Variants in APBA2 observed in about 807,000 individuals in gnomAD.
APBA2 encodes the protein amyloid beta precursor protein binding family A member 2.
APBA2 carries 30 observed loss-of-function variants against 75.0 expected under a neutral mutation model. The ratio of observed to expected loss-of-function variants is 0.40; its 90% CI spans 0.30 to 0.54. The LOEUF is 0.54. Among genes scored for constraint, APBA2 ranks in the 20% least tolerant of loss-of-function variants. APBA2 has a pLI of 0.49. For missense variants in APBA2, 801 were observed against 1,016.1 expected, an observed-to-expected ratio of 0.79 and a Z score of 2.88; for synonymous variants, 444 against 409.6, an observed-to-expected ratio of 1.08 and a Z score of -1.01.
At position 28,928,292 on chromosome 15, in the gene APBA2, A is replaced by G. The variant is rs535772003; in HGVS notation, c.-95+6543A>G. Among the ~76,000 whole-genome samples the G allele has an allele frequency of 3.5e-4, 54 of 152,282 alleles. 1 individual carries two copies. Among genetic ancestry groups the G allele is most frequent in the African/African-American group, 1.3e-3 (53 of 41,554 alleles). On this transcript the variant is annotated intron_variant, in intron 2 of 14. Transcript: ENST00000683413. Reference sequence around the variant, plus strand: ...TTTTCTGTTAATCTGGCTATGGGCTACGTGTAATGTTTGTTGTAGCTGTGA... The same window carrying G: ...TTTTCTGTTAATCTGGCTATGGGCTGCGTGTAATGTTTGTTGTAGCTGTGA...
At chr15:29,114,407 C>A (rs367574308) in intron 14 of APBA2, among the ~76,000 whole-genome samples, 1 of 152,202 alleles carries the variant, frequency 6.6e-6, no homozygotes. Context: ...CTGAACCCCC[C>A]ACAGTCCAGT....
At chr15:28,978,003 C>T (rs900345836) in intron 2 of APBA2, among the ~76,000 whole-genome samples, 2 of 152,200 alleles carry the variant, frequency 1.3e-5, no homozygotes, top group African/African-American at 4.8e-5. Flanking sequence ...AGATAGGCTG[C>T]ATCTATTGTC....
chr15:29,004,457 G>A (rs1249418615), intron 3 of APBA2, among the ~76,000 whole-genome samples: 1 of 152,192 alleles, frequency 6.6e-6, no homozygotes, highest in African/African-American at 2.4e-5. Flanking sequence ...TTCCACATTG[G>A]TGTAGCACCG....
chr15:29,092,923 G>T, intron 6 of APBA2, 152 bp from the exon 7 acceptor site: 4 of 994,994 alleles, frequency 4.0e-6, no homozygotes, highest in South Asian at 2.7e-5. Context: ...CAGACCGGCC[G>T]CCCGTGGCTG....
chr15:28,936,713 C>T (rs565804420), intron 2 of APBA2, among the ~76,000 whole-genome samples: 149 of 152,302 alleles, frequency 9.8e-4, no homozygotes, highest in Non-Finnish European at 1.2e-3. Context: ...CTGGGCTGTG[C>T]CACCTGGGGA....
At chr15:29,059,291 G>A (rs1293052723) in intron 4 of APBA2, among the ~76,000 whole-genome samples, 1 of 152,150 alleles carries the variant, frequency 6.6e-6, no homozygotes, top group Non-Finnish European at 1.5e-5. Context: ...CCTAAGCACA[G>A]AATGGCTGCC....
Position 28,991,019 on chromosome 15 carries a change from T to C in APBA2, c.-94-4734T>C, listed in dbSNP as rs916098778. ...GAGCTTTCTATTCTAAAGGCTCAGC[T>C]TCTTGCCCAGGAGAAAAATAATACA... is the stretch of plus-strand genomic sequence containing the variant. On this transcript the variant is annotated intron_variant, in intron 2 of 14. Transcript: ENST00000683413. The surrounding 1 kb of genome is among the most constrained non-coding windows in gnomAD (Gnocchi z 4.7). 6.6e-6 allele frequency among the ~76,000 whole-genome samples: 1 copy of C among 152,248 alleles called. No individual in the cohort carries two copies. Among genetic ancestry groups the C allele is most frequent in the African/African-American group, 2.4e-5 (1 of 41,470 alleles).
chr15:29,068,787 G>T lies in APBA2; in HGVS notation c.952-6134G>T, dbSNP rs189651310. 4.6e-5 allele frequency among the ~76,000 whole-genome samples: 7 copies of T among 152,298 alleles called. No homozygotes were observed. The East Asian group carries it at 1.3e-3, about 29-fold the overall frequency. On this transcript the variant is annotated intron_variant, in intron 4 of 14. Coordinates refer to ENST00000683413, the MANE Select transcript of APBA2 (RefSeq NM_001353788.2). ...ACCTCCGTAGAGCTTAGGTGAAGGGGCTCTCACAGGGCAGTATGTTTGAGA... is the reference window on the plus strand; with the variant it reads ...ACCTCCGTAGAGCTTAGGTGAAGGGTCTCTCACAGGGCAGTATGTTTGAGA...
chr15:29,066,579 A>T (rs1297973123), intron 4 of APBA2, among the ~76,000 whole-genome samples: 2 of 151,938 alleles, frequency 1.3e-5, no homozygotes, highest in African/African-American at 4.8e-5. Context: ...CTGGTGTTTA[A>T]TGGGTGCAGA....
rs1366398115 is a variant in APBA2, at chr15:29,105,384, G to T, written c.1530G>T (p.Gln510His). 6.2e-7 allele frequency: 1 copy of T among 1,611,058 alleles called. No individual in the cohort carries two copies. The highest frequency in any genetic ancestry group is 1.1e-5 in the South Asian group (1 of 91,004). ...CTGGCCTGCCCTCTGCACAGGCCCAGCTCATCGCCCAGTCTATCGGCCAGG... is the reference window on the plus strand; with the variant it reads ...CTGGCCTGCCCTCTGCACAGGCCCATCTCATCGCCCAGTCTATCGGCCAGG... ...ICHVFESEDA[Q>H]LIAQSIGQAF... is the part of the protein sequence containing the mutation. The change falls in exon 11 of 15, where the codon CAG (glutamine) becomes CAT (histidine). Residue 510 changes from glutamine (Q) to histidine (H), a missense_variant. By Grantham distance (24) the Gln-to-His change is conservative. This residue lies in a region of APBA2 where 367 missense variants were observed against 544.5 expected (regional missense o/e 0.67). Coordinates refer to ENST00000683413, the MANE Select transcript of APBA2 (RefSeq NM_001353788.2).
rs767382279 is a variant in APBA2, at chr15:29,046,611, C to T, written c.-40-7234C>T. 1.3e-5 allele frequency among the ~76,000 whole-genome samples: 2 copies of T among 152,256 alleles called. No individual in the cohort carries two copies. The highest frequency in any genetic ancestry group is 1.3e-4 in the Admixed American group (2 of 15,292). On this transcript the variant is annotated intron_variant, in intron 3 of 14. Coordinates refer to ENST00000683413, the MANE Select transcript of APBA2 (RefSeq NM_001353788.2). This position sits in a 1 kb window ranked among gnomAD's most constrained non-coding sequence, Gnocchi z 5.0. The stretch of plus-strand genomic sequence containing the variant: ...TCAAGTGCAGTCTTTGGACCTCCAA[C>T]ATGAGAACCACCTGCAGCTCTAGAC...
intron 6 of APBA2, among the ~76,000 whole-genome samples, chr15:29,078,339 A>G (rs1348821562): frequency 7.1e-6 from 1 of 141,086 alleles, no homozygotes; most frequent in East Asian, 2.3e-4. Flanking sequence ...GTGGCCAGGC[A>G]CGGTGGCTCA....
chr15:28,886,327 G>A (rs1369646694), intron 1 of APBA2, 49 bp downstream of exon 1: 1 of 151,166 alleles, frequency 6.6e-6, no homozygotes, highest in African/African-American at 2.4e-5. Context: ...CGGCAGCCTG[G>A]GGCCGCCCGG....
intron 4 of APBA2, among the ~76,000 whole-genome samples, chr15:29,056,661 CTCTT>C (rs1207097074): frequency 1.7e-4 from 20 of 118,460 alleles, no homozygotes; most frequent in Non-Finnish European, 2.4e-4. Flanking sequence ...CTCTCTCTCT[CTCTT>C]TCTTTCTTTC....
rs148648664 is a variant in APBA2, at chr15:29,070,486, T to C, written c.952-4435T>C. 1.6e-3 allele frequency among the ~76,000 whole-genome samples: 236 copies of C among 152,248 alleles called. 2 individuals carry two copies. The highest frequency in any genetic ancestry group is 5.3e-3 in the African/African-American group (221 of 41,540). ...AGATCCGCTTTGAAAAGATATGATC[T>C]CCCCCAGGGGAGTAACTATTATAAG... On this transcript the variant is annotated intron_variant, in intron 4 of 14. Coordinates refer to ENST00000683413, the MANE Select transcript of APBA2 (RefSeq NM_001353788.2).
At chr15:29,005,418 A>G (rs973274763) in intron 3 of APBA2, among the ~76,000 whole-genome samples, 1 of 151,874 alleles carries the variant, frequency 6.6e-6, no homozygotes, top group African/African-American at 2.4e-5. Flanking sequence ...ACACCACCAC[A>G]CCCAGCTAAT....
At chr15:29,029,956 G>A (rs1318704161) in intron 3 of APBA2, among the ~76,000 whole-genome samples, 1 of 152,178 alleles carries the variant, frequency 6.6e-6, no homozygotes. Flanking sequence ...AGACCACGCG[G>A]GCTACATGGG....
chr15:29,024,835 G>C (rs1453468512), intron 3 of APBA2, among the ~76,000 whole-genome samples: 1 of 152,110 alleles, frequency 6.6e-6, no homozygotes, highest in Non-Finnish European at 1.5e-5. Flanking sequence ...CATGGGGCTC[G>C]TGTTGCCCAT....
intron 2 of APBA2, among the ~76,000 whole-genome samples, chr15:28,929,392 T>A (rs1217261434): frequency 1.3e-5 from 2 of 152,170 alleles, no homozygotes; most frequent in African/African-American, 4.8e-5. Flanking sequence ...TCAGTGAATT[T>A]GCGACACACA....
Sources: allele counts gnomAD v4.1 joint callset (sites outside exome capture counted in the v4.1 genomes callset), GRCh38; gene constraint gnomAD v4.1.1; regional missense constraint gnomAD v4.1.1; non-coding constraint Gnocchi (gnomAD v3.1); transcripts MANE v1.5; gene names NCBI Gene and HGNC (gene_info 2026-07-23, HGNC 2026-07-21).